NAV3: variants seen among roughly 807,000 people sequenced by gnomAD.
NAV3 encodes neuron navigator 3, also known as pore membrane and/or filament interacting like protein 1.
NAV3 carries 87 observed loss-of-function variants against 244.7 expected under a neutral mutation model. The observed-to-expected ratio is 0.36, with a 90% confidence interval of 0.30 to 0.42. The LOEUF (loss-of-function observed/expected upper bound fraction) is 0.42. Among genes scored for constraint, NAV3 ranks in the 20% least tolerant of loss-of-function variants. NAV3 has a pLI of 1.00. For synonymous variants in NAV3, 1,126 were observed against 1,042.2 expected (o/e 1.08, Z -1.55); for missense variants, 2,663 against 2,893.3 (o/e 0.92, Z 1.83).
chr12:78,051,619 T>G (rs1486764443), intron 11 of NAV3, among the ~76,000 whole-genome samples: 1 of 152,206 alleles, frequency 6.6e-6, no homozygotes, highest in Admixed American at 6.5e-5. Flanking sequence ...AGTTGAAAGT[T>G]TCACTCTATT....
At chr12:77,827,782 G>A (rs536124648), upstream of NAV3, among the ~76,000 whole-genome samples, 1 of 152,248 alleles carries the variant, frequency 6.6e-6, no homozygotes, top group African/African-American at 2.4e-5. Context: ...CAGCACCCCT[G>A]TGAAGGAAGA....
intron 5 of NAV3, among the ~76,000 whole-genome samples, chr12:77,969,036 C>T (rs1892761154): frequency 6.6e-6 from 1 of 151,934 alleles, no homozygotes; most frequent in Non-Finnish European, 1.5e-5. Context: ...TCCTAGTCTC[C>T]TGTCATGTAG....
At chr12:77,736,810 C>T (rs1877354737) in intron 2 of NAV3, among the ~76,000 whole-genome samples, 1 of 152,086 alleles carries the variant, frequency 6.6e-6, no homozygotes, top group African/African-American at 2.4e-5. Context: ...TTGGTTATGC[C>T]CAACAAAGTG....
intron 2 of NAV3, among the ~76,000 whole-genome samples, chr12:77,760,594 A>G (rs1869412397): frequency 1.3e-5 from 2 of 152,230 alleles, no homozygotes; most frequent in African/African-American, 2.4e-5. Context: ...AAGAAGTTGC[A>G]TTGAAAATGA....
Position 77,588,935 on chromosome 12 carries a change from G to T in NAV3, c.72+16669G>T, listed in dbSNP as rs1964607. Reference sequence around the variant, plus strand: ...TGAGCACTAGGGAATGAAGGCAGTGGTCTGAATGTTAGGACTGGACACAGC... The same window carrying T: ...TGAGCACTAGGGAATGAAGGCAGTGTTCTGAATGTTAGGACTGGACACAGC... On this transcript the variant is annotated intron_variant, in intron 2 of 8. Transcript: ENST00000550042. 3.3e-5 allele frequency among the ~76,000 whole-genome samples: 5 copies of T among 152,106 alleles called. No homozygotes were observed. In the East Asian group the frequency reaches 9.6e-4, roughly 29 times the overall value.
chr12:77,887,762 G>A (rs1352187306), intron 1 of NAV3, among the ~76,000 whole-genome samples: 1 of 152,030 alleles, frequency 6.6e-6, no homozygotes. Context: ...TTAAAAGTAA[G>A]TAGTAAACTG....
chr12:78,082,522 A>G (rs1191873037), intron 12 of NAV3, among the ~76,000 whole-genome samples: 2 of 152,098 alleles, frequency 1.3e-5, no homozygotes, highest in Non-Finnish European at 2.9e-5. Context: ...ATTTGGTTTT[A>G]AGCACGCTGT....
chr12:78,179,524 T>C lies in NAV3; in HGVS notation c.5364-5T>C. On this transcript the variant is annotated splice_region_variant and splice_polypyrimidine_tract_variant and intron_variant, in intron 28 of 39. Coordinates refer to ENST00000397909, the MANE Select transcript of NAV3 (RefSeq NM_001024383.2). ...GCCACTGATTCTGTTTGTTTCCTTC[T>C]TCAGGATCTGTGAATGCACAGAAGC... 1 of 1,613,050 alleles carries C rather than the reference T, an allele frequency of 6.2e-7. No homozygotes were observed. The highest frequency in any genetic ancestry group is 8.5e-7 in the Non-Finnish European group (1 of 1,179,360).
At chr12:77,619,766 CG>C (rs1325725222) in intron 2 of NAV3, among the ~76,000 whole-genome samples, 3 of 151,108 alleles carry the variant, frequency 2.0e-5, no homozygotes, top group African/African-American at 2.4e-5. Context: ...ATGTGTCTCA[CG>C]TTTTTTTTTT....
At chr12:77,953,286 C>A (rs563798197) in intron 3 of NAV3, among the ~76,000 whole-genome samples, 2 of 152,274 alleles carry the variant, frequency 1.3e-5, no homozygotes, top group South Asian at 4.1e-4. Context: ...CAGACACACA[C>A]AACTCTGTTC....
At chr12:77,621,174 A>G (rs1871354878) in intron 2 of NAV3, among the ~76,000 whole-genome samples, 1 of 152,246 alleles carries the variant, frequency 6.6e-6, no homozygotes, top group Non-Finnish European at 1.5e-5. Context: ...CAGGTTTACC[A>G]TTTATAAAAT....
At chr12:77,772,949 T>G (rs1870169347) in intron 2 of NAV3, among the ~76,000 whole-genome samples, 1 of 152,194 alleles carries the variant, frequency 6.6e-6, no homozygotes, top group Non-Finnish European at 1.5e-5. Flanking sequence ...AATCTGGACA[T>G]TTCAGTAGCA....
At chr12:77,675,622 T>A (rs532835131) in intron 2 of NAV3, among the ~76,000 whole-genome samples, 1 of 152,286 alleles carries the variant, frequency 6.6e-6, no homozygotes, top group South Asian at 2.1e-4. Flanking sequence ...TTTAAATTTT[T>A]CCAATTTGAA....
At chr12:77,672,763 C>T (rs977972584) in intron 2 of NAV3, among the ~76,000 whole-genome samples, 11 of 151,738 alleles carry the variant, frequency 7.2e-5, no homozygotes, top group African/African-American at 9.7e-5. Context: ...GCACCAAAAT[C>T]TCAGAAATCA....
chr12:77,946,531 T>C (rs962705781), intron 3 of NAV3, among the ~76,000 whole-genome samples: 1 of 152,248 alleles, frequency 6.6e-6, no homozygotes, highest in African/African-American at 2.4e-5. Flanking sequence ...AAACAGAACT[T>C]AGTTTGTTGG....
chr12:77,801,520 A>C (rs1871703263), intron 2 of NAV3, among the ~76,000 whole-genome samples: 1 of 152,118 alleles, frequency 6.6e-6, no homozygotes, highest in South Asian at 2.1e-4. Context: ...ATGTTATTAC[A>C]GTACAAATTT....
chr12:77,949,712 G>T (rs1430253267), intron 3 of NAV3, among the ~76,000 whole-genome samples: 1 of 151,764 alleles, frequency 6.6e-6, no homozygotes, highest in African/African-American at 2.4e-5. Flanking sequence ...GTATCACCCA[G>T]AATCCATGAT....
chr12:78,051,186 G>T, intron 11 of NAV3, 39 bp downstream of exon 11: 1 of 1,569,734 alleles, frequency 6.4e-7, no homozygotes, highest in Non-Finnish European at 8.7e-7. Flanking sequence ...GTGTGAAGAG[G>T]GGAGGTGGTC....
chr12:77,914,837 C>CT (rs11394815), intron 1 of NAV3, among the ~76,000 whole-genome samples: 116,680 of 143,792 alleles, frequency 0.81, 47,359 homozygotes, highest in East Asian at 0.96. Flanking sequence ...GATTCTTTGT[C>CT]TTTTTTTTTT....
Sources: allele counts gnomAD v4.1 joint callset (sites outside exome capture counted in the v4.1 genomes callset), GRCh38; gene constraint gnomAD v4.1.1; transcripts MANE v1.5; gene names NCBI Gene and HGNC (gene_info 2026-07-23, HGNC 2026-07-21).